CACNB2: variants seen among roughly 807,000 people sequenced by gnomAD.
CACNB2 encodes the protein calcium voltage-gated channel auxiliary subunit beta 2, also known as voltage-dependent L-type calcium channel subunit beta-2.
A neutral mutation model predicts 73.3 loss-of-function variants in CACNB2; 42 were observed. That is an observed-to-expected ratio of 0.57 (90% CI 0.45 to 0.74). The LOEUF is 0.74. Among genes scored for constraint, CACNB2 ranks in the 30% least tolerant of loss-of-function variants. The pLI is 0.00. For synonymous variants in CACNB2, 348 were observed against 310.3 expected (o/e 1.12, Z -1.28); for missense variants, 940 against 853.0 (o/e 1.10, Z -1.27).
intron 6 of CACNB2, among the ~76,000 whole-genome samples, chr10:18,506,788 GTATTTATT>G (rs142902380): frequency 6.7e-6 from 1 of 149,552 alleles, no homozygotes; most frequent in Admixed American, 6.7e-5. Flanking sequence ...AGTGATTAAT[GTATTTATT>G]TATTTATTTA....
intron 10 of CACNB2, among the ~76,000 whole-genome samples, chr10:18,528,872 C>G (rs989679969): frequency 6.6e-6 from 1 of 152,196 alleles, no homozygotes; most frequent in Non-Finnish European, 1.5e-5. Context: ...GAGGGTCGCA[C>G]TCTGTTACCC....
At chr10:18,371,367 C>G (rs2042575615) in intron 2 of CACNB2, among the ~76,000 whole-genome samples, 1 of 152,106 alleles carries the variant, frequency 6.6e-6, no homozygotes. Context: ...TTTCCCCGAC[C>G]CCACAACGGG....
At chr10:18,366,656 CAACA>C (rs2042366165) in intron 2 of CACNB2, among the ~76,000 whole-genome samples, 8 of 151,580 alleles carry the variant, frequency 5.3e-5, no homozygotes, top group African/African-American at 1.9e-4. Context: ...CCAGCCTGGC[CAACA>C]TGGTGAAACC....
chr10:18,172,940 A>T (rs372416337), intron 2 of CACNB2, among the ~76,000 whole-genome samples: 8 of 43,446 alleles, frequency 1.8e-4, no homozygotes, highest in Middle Eastern at 9.6e-3. Context: ...TTTTTTTTTT[A>T]AATGGAGTTT....
chr10:18,362,321 C>T (rs1370886792), intron 2 of CACNB2, among the ~76,000 whole-genome samples: 2 of 152,042 alleles, frequency 1.3e-5, no homozygotes, highest in African/African-American at 4.8e-5. Flanking sequence ...TCAGTTATAG[C>T]TATTAAGGGT....
At chr10:18,442,855 G>C (rs113940691) in intron 3 of CACNB2, among the ~76,000 whole-genome samples, 2,731 of 140,532 alleles carry the variant, frequency 0.019, 176 homozygotes, top group South Asian at 0.084. Context: ...AATTATAGTG[G>C]AGACTATTAA....
At chr10:18,157,050 G>A (rs1379904756) in intron 2 of CACNB2, among the ~76,000 whole-genome samples, 1 of 136,746 alleles carries the variant, frequency 7.3e-6, no homozygotes, top group South Asian at 2.3e-4. Flanking sequence ...CAACAAGAAC[G>A]AAACTTTGTC....
At chr10:18,362,818 G>A (rs117246203) in intron 2 of CACNB2, among the ~76,000 whole-genome samples, 18,407 of 152,116 alleles carry the variant, frequency 0.12, 1,246 homozygotes, top group East Asian at 0.23. Flanking sequence ...TGAGGAGAGA[G>A]AATCACTTGA....
At chr10:18,357,119 A>G (rs1257686670) in intron 2 of CACNB2, among the ~76,000 whole-genome samples, 1 of 148,812 alleles carries the variant, frequency 6.7e-6, no homozygotes, top group African/African-American at 2.5e-5. Context: ...TAATTTTTGT[A>G]TTTTTAGTAG....
At chr10:18,176,853 G>A (rs1051743630) in intron 2 of CACNB2, among the ~76,000 whole-genome samples, 16 of 151,786 alleles carry the variant, frequency 1.1e-4, no homozygotes, top group African/African-American at 3.6e-4. Flanking sequence ...ACTGCAGTTC[G>A]GTGTTTCAGG....
chr10:18,343,954 T>C (rs1376490775), intron 2 of CACNB2, among the ~76,000 whole-genome samples: 1 of 151,682 alleles, frequency 6.6e-6, no homozygotes, highest in Non-Finnish European at 1.5e-5. Flanking sequence ...TGAGTGGGCG[T>C]AAACCTGAGA....
intron 3 of CACNB2, among the ~76,000 whole-genome samples, chr10:18,405,460 T>C (rs2044237300): frequency 6.6e-6 from 1 of 152,240 alleles, no homozygotes; most frequent in Non-Finnish European, 1.5e-5. Flanking sequence ...TTCCTGTATA[T>C]ATTTTTTTGT....
chr10:18,338,960 A>G (rs1413767367), intron 2 of CACNB2, among the ~76,000 whole-genome samples: 1 of 151,686 alleles, frequency 6.6e-6, no homozygotes, highest in Non-Finnish European at 1.5e-5. Context: ...GGCTGGTTTC[A>G]AACTCCTGGG....
intron 9 of CACNB2, among the ~76,000 whole-genome samples, chr10:18,524,065 T>C (rs1347095086): frequency 6.6e-6 from 1 of 152,146 alleles, no homozygotes; most frequent in African/African-American, 2.4e-5. Context: ...TGCAATAAAG[T>C]AGCCCATTCA....
At chr10:18,479,301 T>C (rs561740593) in intron 3 of CACNB2, among the ~76,000 whole-genome samples, 18 of 152,258 alleles carry the variant, frequency 1.2e-4, no homozygotes, top group East Asian at 1.2e-3. Flanking sequence ...CCAAGATAAA[T>C]GCAAAGAGCC....
At chr10:18,314,737 AT>A (rs1388222012) in intron 2 of CACNB2, among the ~76,000 whole-genome samples, 2 of 152,190 alleles carry the variant, frequency 1.3e-5, no homozygotes, top group African/African-American at 2.4e-5. Context: ...TACAGCAAAA[AT>A]ATTACAGAAT....
At chr10:18,483,497 C>T (rs1374774867) in intron 3 of CACNB2, among the ~76,000 whole-genome samples, 1 of 146,758 alleles carries the variant, frequency 6.8e-6, no homozygotes, top group Non-Finnish European at 1.5e-5. Context: ...CTCCACTGCA[C>T]TCCAGCCTGG....
At position 18,485,790 on chromosome 10, in the gene CACNB2, C is replaced by A. The variant is rs569579697; in HGVS notation, c.334-12565C>A. Among the ~76,000 whole-genome samples, 3 of 151,918 alleles carry A rather than the reference C, an allele frequency of 2.0e-5. No homozygotes were observed. The South Asian group carries it at 6.3e-4, about 32-fold the overall frequency. ...CTAAAGTAGGTTTTCACCATGTTGGCCAGGCTGCTCTCGAACTCCTGACCT... is the reference window on the plus strand; with the variant it reads ...CTAAAGTAGGTTTTCACCATGTTGGACAGGCTGCTCTCGAACTCCTGACCT... On this transcript the variant is annotated intron_variant, in intron 3 of 13. Coordinates refer to ENST00000324631, the MANE Select transcript of CACNB2 (RefSeq NM_201596.3).
intron 3 of CACNB2, among the ~76,000 whole-genome samples, chr10:18,414,312 TTTCTG>T (rs2044810872): frequency 6.6e-6 from 1 of 152,190 alleles, no homozygotes; most frequent in South Asian, 2.1e-4. Context: ...CACAGGCTCT[TTTCTG>T]AGTAACACCA....
Sources: allele counts gnomAD v4.1 joint callset (sites outside exome capture counted in the v4.1 genomes callset), GRCh38; gene constraint gnomAD v4.1.1; transcripts MANE v1.5; gene names NCBI Gene and HGNC (gene_info 2026-07-23, HGNC 2026-07-21).